Variants in RIMS1 observed in about 807,000 individuals in gnomAD.
The protein encoded by RIMS1 is regulating synaptic membrane exocytosis 1.
A neutral mutation model predicts 214.1 loss-of-function variants in RIMS1; 83 were observed. The ratio of observed to expected loss-of-function variants is 0.39; its 90% CI spans 0.32 to 0.47. The LOEUF (loss-of-function observed/expected upper bound fraction) is 0.47, where lower values mean the gene tolerates loss of function less well. Ranked by LOEUF, RIMS1 falls within the 20% of genes least tolerant of loss-of-function variation. RIMS1 has a pLI of 0.99. For synonymous variants in RIMS1, 793 were observed against 786.8 expected (o/e 1.01, Z -0.13); for missense variants, 2,050 against 2,161.8 (o/e 0.95, Z 1.03).
intron 24 of RIMS1, among the ~76,000 whole-genome samples, chr6:72,287,213 G>A (rs2092495045): frequency 6.6e-6 from 1 of 152,074 alleles, no homozygotes; most frequent in African/African-American, 2.4e-5. Flanking sequence ...GCATTTTATG[G>A]TGTGTTATTG....
chr6:71,953,122 A>T (rs1447275247), intron 1 of RIMS1, among the ~76,000 whole-genome samples: 4 of 151,702 alleles, frequency 2.6e-5, no homozygotes, highest in Admixed American at 6.6e-5. Flanking sequence ...AAGGAGCTGG[A>T]ATTAACAGGT....
intron 2 of RIMS1, among the ~76,000 whole-genome samples, chr6:72,042,018 A>G (rs1214104980): frequency 6.6e-6 from 1 of 151,922 alleles, no homozygotes; most frequent in Non-Finnish European, 1.5e-5. Context: ...TTTTATTTAC[A>G]TTTGTATCTG....
intron 27 of RIMS1, among the ~76,000 whole-genome samples, chr6:72,309,114 C>A (rs926268931): frequency 1.3e-5 from 2 of 152,094 alleles, no homozygotes; most frequent in South Asian, 2.1e-4. Flanking sequence ...GTATAGGAAA[C>A]AAGAAAGAGG....
chr6:72,028,372 A>G (rs1263395834), intron 2 of RIMS1, among the ~76,000 whole-genome samples: 6 of 152,190 alleles, frequency 3.9e-5, no homozygotes, highest in Non-Finnish European at 8.8e-5. Context: ...AACTATGTAG[A>G]TATTTCTTGT....
intron 2 of RIMS1, among the ~76,000 whole-genome samples, chr6:72,084,845 A>C (rs917665966): frequency 9.2e-5 from 14 of 152,152 alleles, no homozygotes; most frequent in Middle Eastern, 3.2e-3. Context: ...GATTGGATGA[A>C]CTTCATTTTT....
At chr6:71,986,780 C>G (rs1800092171) in intron 2 of RIMS1, among the ~76,000 whole-genome samples, 1 of 152,202 alleles carries the variant, frequency 6.6e-6, no homozygotes, top group Non-Finnish European at 1.5e-5. Flanking sequence ...TGGGCATTGC[C>G]ATTAGAATGA....
chr6:72,303,561 C>A (rs753113561), intron 26 of RIMS1, among the ~76,000 whole-genome samples: 6 of 151,090 alleles, frequency 4.0e-5, no homozygotes, highest in Non-Finnish European at 8.9e-5. Flanking sequence ...TCTTGTTGAG[C>A]TTTAGAAGAC....
intron 2 of RIMS1, among the ~76,000 whole-genome samples, chr6:72,014,962 A>G (rs576886806): frequency 6.6e-6 from 1 of 152,170 alleles, no homozygotes; most frequent in African/African-American, 2.4e-5. Context: ...TTATTGTATT[A>G]TATTGTTAAC....
chr6:72,091,385 A>C (rs1264010400), intron 2 of RIMS1, among the ~76,000 whole-genome samples: 3 of 152,220 alleles, frequency 2.0e-5, no homozygotes, highest in African/African-American at 7.2e-5. Context: ...GAAAAATGTG[A>C]ATTTCTGCAC....
At chr6:72,082,647 A>G (rs1368100752) in intron 2 of RIMS1, among the ~76,000 whole-genome samples, 8 of 152,180 alleles carry the variant, frequency 5.3e-5, no homozygotes, top group African/African-American at 1.9e-4. Context: ...GGGGTCAAGA[A>G]GCAAGTAATA....
chr6:71,888,301 G>C (rs1479065167), intron 1 of RIMS1, among the ~76,000 whole-genome samples: 1 of 152,180 alleles, frequency 6.6e-6, no homozygotes, highest in Non-Finnish European at 1.5e-5. Flanking sequence ...GGGAATGTAG[G>C]GGCCCTGACT....
intron 2 of RIMS1, among the ~76,000 whole-genome samples, chr6:71,975,931 T>G: frequency 6.6e-6 from 1 of 152,230 alleles, no homozygotes; most frequent in East Asian, 1.9e-4. Flanking sequence ...TATCGACATA[T>G]CAGGTTTTGT....
intron 10 of RIMS1, among the ~76,000 whole-genome samples, chr6:72,243,770 T>C (rs1562984469): frequency 6.6e-6 from 1 of 151,674 alleles, no homozygotes; most frequent in East Asian, 1.9e-4. Flanking sequence ...TAAGAAGTAA[T>C]CATCTGCACA....
intron 19 of RIMS1, chr6:72,261,630 A>C: frequency 1.0e-6 from 1 of 985,184 alleles, no homozygotes; most frequent in South Asian, 4.7e-5. Flanking sequence ...TATTTTAGCC[A>C]ATAAAAAGCA....
At chr6:71,972,563 A>C (rs905159552) in intron 2 of RIMS1, among the ~76,000 whole-genome samples, 8 of 152,150 alleles carry the variant, frequency 5.3e-5, no homozygotes, top group Admixed American at 4.6e-4. Context: ...TGTTCCTTTT[A>C]AGTTATTGTT....
intron 4 of RIMS1, among the ~76,000 whole-genome samples, chr6:72,137,063 T>A (rs2041406431): frequency 6.6e-6 from 1 of 152,040 alleles, no homozygotes; most frequent in East Asian, 1.9e-4. Flanking sequence ...AAGATGTATC[T>A]TTTTGTTGAC....
At chr6:71,925,040 G>A (rs1175878695) in intron 1 of RIMS1, among the ~76,000 whole-genome samples, 2 of 152,130 alleles carry the variant, frequency 1.3e-5, no homozygotes, top group African/African-American at 4.8e-5. Flanking sequence ...GAGCACTCAA[G>A]TGCATACATC....
intron 2 of RIMS1, among the ~76,000 whole-genome samples, chr6:71,998,460 T>C (rs182596482): frequency 6.6e-6 from 1 of 152,194 alleles, no homozygotes; most frequent in African/African-American, 2.4e-5. Context: ...GTGAATCTGT[T>C]TGTTTATGGC....
intron 24 of RIMS1, among the ~76,000 whole-genome samples, chr6:72,287,559 G>T (rs1395744917): frequency 2.6e-5 from 4 of 152,080 alleles, no homozygotes; most frequent in Non-Finnish European, 5.9e-5. Flanking sequence ...TTAGGGTCAG[G>T]CATACATAAG....
Sources: gnomAD v4.1 joint callset for allele counts (sites outside exome capture counted in the v4.1 genomes callset) on GRCh38, gnomAD v4.1.1 for gene constraint, MANE v1.5 for transcripts, NCBI Gene and HGNC (gene_info 2026-07-23, HGNC 2026-07-21) for gene names.